UBL3: variants seen among roughly 807,000 people sequenced by gnomAD.
UBL3 encodes ubiquitin like 3.
Under a neutral mutation model 18.4 loss-of-function variants are expected in UBL3, and 6 were observed. The observed-to-expected ratio is 0.33, with a 90% CI of 0.18 to 0.64. The LOEUF is 0.64. Ranked by LOEUF, UBL3 falls within the 30% of genes least tolerant of loss-of-function variation. The pLI is 0.76. For missense variants in UBL3, 109 were observed against 142.9 expected, an observed-to-expected ratio of 0.76 and a Z score of 1.21; for synonymous variants, 49 against 46.6, an observed-to-expected ratio of 1.05 and a Z score of -0.21.
intron 1 of UBL3, among the ~76,000 whole-genome samples, chr13:29,799,223 C>T (rs575635371): frequency 7.7e-4 from 118 of 152,278 alleles, no homozygotes; most frequent in Admixed American, 4.6e-3. Flanking sequence ...CCCCTGCCCC[C>T]GGCAAAGTTG....
chr13:29,806,804 C>T (rs1241249443), intron 1 of UBL3, among the ~76,000 whole-genome samples: 2 of 152,194 alleles, frequency 1.3e-5, no homozygotes, highest in Non-Finnish European at 2.9e-5. Context: ...CCCAGTGATA[C>T]ACGTGCAAAC....
chr13:29,828,618 C>G (rs142979578), intron 1 of UBL3, among the ~76,000 whole-genome samples: 11 of 152,294 alleles, frequency 7.2e-5, no homozygotes, highest in Admixed American at 1.3e-4. Context: ...GCAATGGGTT[C>G]AAACTTCCTC....
intron 1 of UBL3, among the ~76,000 whole-genome samples, chr13:29,795,289 A>G (rs931316077): frequency 2.0e-5 from 3 of 152,146 alleles, no homozygotes; most frequent in Non-Finnish European, 4.4e-5. Context: ...CCTGGATTAT[A>G]TTTTCCAAAG....
intron 1 of UBL3, among the ~76,000 whole-genome samples, chr13:29,822,545 T>C (rs1269992732): frequency 6.6e-6 from 1 of 152,220 alleles, no homozygotes; most frequent in Non-Finnish European, 1.5e-5. Context: ...GTGTTTCTAG[T>C]CACTGGCACA....
At chr13:29,835,477 T>C (rs538061468) in intron 1 of UBL3, among the ~76,000 whole-genome samples, 1 of 150,512 alleles carries the variant, frequency 6.6e-6, no homozygotes, top group Admixed American at 6.6e-5. Flanking sequence ...GGCTCACGCC[T>C]GTAATCCTAG....
intron 3 of UBL3, among the ~76,000 whole-genome samples, chr13:29,769,104 C>G (rs1231440990): frequency 6.6e-6 from 1 of 152,076 alleles, no homozygotes; most frequent in Non-Finnish European, 1.5e-5. Context: ...ATCAAACAAT[C>G]CAAGCAAAGT....
intron 1 of UBL3, among the ~76,000 whole-genome samples, chr13:29,803,634 T>C (rs1218878914): frequency 1.4e-5 from 2 of 143,724 alleles, no homozygotes; most frequent in Non-Finnish European, 3.0e-5. Flanking sequence ...GGAGAAGGGG[T>C]TTCAATCCTA....
intron 1 of UBL3, among the ~76,000 whole-genome samples, chr13:29,805,434 T>A (rs1448153330): frequency 6.6e-6 from 1 of 152,210 alleles, no homozygotes; most frequent in Non-Finnish European, 1.5e-5. Context: ...GGCCCCCTCT[T>A]CCAAGAGTCT....
chr13:29,788,724 T>C (rs1877389536), intron 1 of UBL3, among the ~76,000 whole-genome samples: 1 of 152,138 alleles, frequency 6.6e-6, no homozygotes, highest in South Asian at 2.1e-4. Context: ...CTAGGGAATA[T>C]AAGTAGATGC....
chr13:29,793,028 A>G (rs1238720485), intron 1 of UBL3, among the ~76,000 whole-genome samples: 3 of 152,258 alleles, frequency 2.0e-5, no homozygotes, highest in African/African-American at 7.2e-5. Context: ...ACTCATTGTT[A>G]GAGAATATAA....
intron 1 of UBL3, among the ~76,000 whole-genome samples, chr13:29,797,294 T>C (rs774729468): frequency 6.6e-5 from 10 of 152,300 alleles, no homozygotes; most frequent in Non-Finnish European, 8.8e-5. Flanking sequence ...AGAGATATGA[T>C]GTTCATGGTC....
At chr13:29,805,953 A>G (rs1224968402) in intron 1 of UBL3, among the ~76,000 whole-genome samples, 2 of 152,214 alleles carry the variant, frequency 1.3e-5, no homozygotes, top group Non-Finnish European at 2.9e-5. Context: ...AGGTGGGCAG[A>G]TCACCTGAAG....
In UBL3 at chr13:29,811,530, AAG is replaced by A. The variant is rs1459126495; in HGVS notation, c.28-34269_28-34268del. Reference sequence around the variant, plus strand: ...GGAAATTTAATCCTATGCTGCAAAGAAGAGAGAGCTGCGGAAGGAAACTGGTA... The same window carrying A: ...GGAAATTTAATCCTATGCTGCAAAGAAGAGAGCTGCGGAAGGAAACTGGTA... On this transcript the variant is annotated intron_variant, in intron 1 of 4. Coordinates refer to ENST00000380680, the MANE Select transcript of UBL3 (RefSeq NM_007106.4). 2.0e-5 allele frequency among the ~76,000 whole-genome samples: 3 copies of A among 152,084 alleles called. 1 individual carries two copies. The East Asian group carries it at 5.8e-4, about 29-fold the overall frequency.
intron 1 of UBL3, among the ~76,000 whole-genome samples, chr13:29,807,000 C>G (rs1877914944): frequency 6.6e-6 from 1 of 151,906 alleles, no homozygotes; most frequent in Non-Finnish European, 1.5e-5. Flanking sequence ...ATCAGTTATT[C>G]TAATATGTAG....
intron 1 of UBL3, among the ~76,000 whole-genome samples, chr13:29,804,761 A>G (rs921250306): frequency 1.3e-5 from 2 of 152,210 alleles, no homozygotes; most frequent in Non-Finnish European, 1.5e-5. Context: ...GAAACTGAAT[A>G]ACAGAACAGA....
At chr13:29,790,530 AT>A (rs1261680101) in intron 1 of UBL3, among the ~76,000 whole-genome samples, 1 of 152,186 alleles carries the variant, frequency 6.6e-6, no homozygotes, top group Non-Finnish European at 1.5e-5. Context: ...GGTTCCTATA[AT>A]TCCCAAAGTT....
intron 1 of UBL3, among the ~76,000 whole-genome samples, chr13:29,832,047 A>G (rs753144759): frequency 1.4e-4 from 22 of 152,228 alleles, no homozygotes; most frequent in Non-Finnish European, 2.2e-4. Context: ...ACAATAAAGA[A>G]CATTTCCATG....
At chr13:29,842,302 C>T (rs542028653) in intron 1 of UBL3, among the ~76,000 whole-genome samples, 45 of 152,150 alleles carry the variant, frequency 3.0e-4, no homozygotes, top group South Asian at 1.5e-3. Flanking sequence ...CGATTACAGA[C>T]GCCTGCCACA....
At position 29,766,264 on chromosome 13, in the gene UBL3, C is replaced by T. The variant is rs937481403; in HGVS notation, c.*991G>A. 1.7e-4 allele frequency: 26 copies of T among 152,114 alleles called. No homozygotes were observed. In the East Asian group the frequency reaches 1.7e-3, roughly 10 times the overall value. The allele number at this position is 152,114 out of a possible 1,614,324, so 9.4% of individuals were successfully genotyped here. A position where few individuals can be genotyped will look rare whatever the true frequency, so the allele number is the denominator to read the frequency against. On this transcript the variant is annotated 3_prime_UTR_variant, in exon 5 of 5. Transcript: ENST00000380680. ...TACAATTGCAAGCACTAATATCAAA[C>T]GCAAACTATATAAAGAAACAAAATT...
Sources: allele counts gnomAD v4.1 joint callset (sites outside exome capture counted in the v4.1 genomes callset), GRCh38; gene constraint gnomAD v4.1.1; transcripts MANE v1.5; gene names NCBI Gene and HGNC (gene_info 2026-07-23, HGNC 2026-07-21).